PAPPA: variants seen among roughly 807,000 people sequenced by gnomAD.
The protein encoded by PAPPA is pappalysin-1.
A neutral mutation model predicts 164.0 loss-of-function variants in PAPPA; 60 were observed. The observed-to-expected ratio is 0.37, with a 90% CI of 0.30 to 0.45. The LOEUF is 0.45. Among genes scored for constraint, PAPPA ranks in the 20% least tolerant of loss-of-function variants. The pLI, the probability that PAPPA is intolerant of heterozygous loss-of-function variation, is 1.00. For synonymous variants in PAPPA, 875 were observed against 814.1 expected (o/e 1.07, Z -1.27); for missense variants, 1,782 against 2,087.3 (o/e 0.85, Z 2.85).
At chr9:116,274,209 G>A (rs1181208892) in intron 9 of PAPPA, among the ~76,000 whole-genome samples, 2 of 152,166 alleles carry the variant, frequency 1.3e-5, no homozygotes, top group African/African-American at 4.8e-5. Context: ...TGTGGACAGT[G>A]TCTAGGGAAG....
chr9:116,330,463 T>C (rs1845976094), intron 10 of PAPPA, among the ~76,000 whole-genome samples: 1 of 152,230 alleles, frequency 6.6e-6, no homozygotes, highest in Non-Finnish European at 1.5e-5. Context: ...TTTGAATGAA[T>C]GAATGAACCA....
At chr9:116,158,288 C>G (rs1296391951) in intron 1 of PAPPA, among the ~76,000 whole-genome samples, 1 of 152,204 alleles carries the variant, frequency 6.6e-6, no homozygotes, top group Non-Finnish European at 1.5e-5. Context: ...TTCTCCACTT[C>G]AGCATTGCTG....
intron 7 of PAPPA, among the ~76,000 whole-genome samples, chr9:116,249,973 G>A (rs780445766): frequency 3.3e-5 from 5 of 151,952 alleles, no homozygotes; most frequent in Admixed American, 6.6e-5. Context: ...TTGTATGCAT[G>A]TGTGTGTGTG....
intron 10 of PAPPA, among the ~76,000 whole-genome samples, chr9:116,312,582 GAGTT>G (rs1845734417): frequency 6.6e-6 from 1 of 152,100 alleles, no homozygotes; most frequent in South Asian, 2.1e-4. Flanking sequence ...GTTTTGAGGT[GAGTT>G]AGAGTTTGGC....
intron 9 of PAPPA, among the ~76,000 whole-genome samples, chr9:116,283,631 T>C (rs1331679758): frequency 2.0e-5 from 3 of 151,888 alleles, no homozygotes; most frequent in Non-Finnish European, 4.4e-5. Context: ...GAAATCAGGG[T>C]GATTTTAGCT....
intron 3 of PAPPA, among the ~76,000 whole-genome samples, chr9:116,209,042 A>G (rs1302421061): frequency 6.6e-6 from 1 of 152,182 alleles, no homozygotes. Flanking sequence ...CACAATGTCC[A>G]CTACAAAGAA....
chr9:116,393,195 G>C (rs543598773), intron 21 of PAPPA, among the ~76,000 whole-genome samples: 2 of 152,334 alleles, frequency 1.3e-5, no homozygotes, highest in East Asian at 3.9e-4. Flanking sequence ...GACAGGGTCT[G>C]TGAAGAAATT....
chr9:116,209,868 G>A (rs1241440133), intron 3 of PAPPA, among the ~76,000 whole-genome samples: 2 of 152,140 alleles, frequency 1.3e-5, no homozygotes, highest in Non-Finnish European at 2.9e-5. Context: ...ACAGTCACAA[G>A]GCCAGTGTGA....
intron 13 of PAPPA, among the ~76,000 whole-genome samples, chr9:116,340,229 C>T (rs949818327): frequency 1.3e-5 from 2 of 152,040 alleles, no homozygotes; most frequent in African/African-American, 2.4e-5. Flanking sequence ...ATTTTGTTTT[C>T]CTTGTTTTGT....
intron 1 of PAPPA, among the ~76,000 whole-genome samples, chr9:116,168,690 G>A (rs997493508): frequency 1.3e-5 from 2 of 152,150 alleles, no homozygotes; most frequent in Admixed American, 6.5e-5. Context: ...CAACACTTCT[G>A]GATTCATGCC....
chr9:116,350,418 A>G (rs1846266664), intron 15 of PAPPA, among the ~76,000 whole-genome samples: 1 of 152,192 alleles, frequency 6.6e-6, no homozygotes, highest in South Asian at 2.1e-4. Context: ...GGACATATCC[A>G]TGGTCCTGAA....
At chr9:116,210,074 G>A (rs1381805133) in intron 3 of PAPPA, among the ~76,000 whole-genome samples, 2 of 152,144 alleles carry the variant, frequency 1.3e-5, no homozygotes, top group African/African-American at 4.8e-5. Flanking sequence ...TGGGTGGGAA[G>A]CGGATTATGT....
Position 116,344,604 on chromosome 9 carries a change from C to T in PAPPA, c.3673C>T (p.Leu1225Phe). 2 of 1,614,146 alleles carry T rather than the reference C, an allele frequency of 1.2e-6. No individual in the cohort carries two copies. The highest frequency in any genetic ancestry group is 1.7e-6 in the Non-Finnish European group (2 of 1,179,982). Residue 1225 changes from leucine (L) to phenylalanine (F), a missense_variant, in exon 14 of 22, where the codon CTC becomes TTC. This residue lies in a region of PAPPA where 1,324 missense variants were observed against 1,656.9 expected (regional missense o/e 0.80). Coordinates refer to ENST00000328252, the MANE Select transcript of PAPPA (RefSeq NM_002581.5). ...AGAGCTGGCTGTGGAGAATGCTTCT[C>T]TCAATTGCTCCAGCAGCGACCGCTA... ...CPELAVENAS[L>F]NCSSSDRYHG...
chr9:116,182,948 T>G (rs1357574837), intron 1 of PAPPA, among the ~76,000 whole-genome samples: 1 of 152,154 alleles, frequency 6.6e-6, no homozygotes, highest in Non-Finnish European at 1.5e-5. Flanking sequence ...TTTCATTGTC[T>G]AGTTCTATGT....
Position 116,187,437 on chromosome 9 carries a change from G to T in PAPPA, c.699G>T (p.Gln233His). The T allele has an allele frequency of 6.2e-7, 1 of 1,614,194 alleles. No individual in the cohort carries two copies. The highest frequency in any genetic ancestry group is 8.5e-7 in the Non-Finnish European group (1 of 1,180,044). ...QVGGIFSPLTQKCKVLMLGGS... is the reference protein window; with the variant it reads ...QVGGIFSPLTHKCKVLMLGGS... Reference sequence around the variant, plus strand: ...GTGGCATATTCAGCCCACTGACCCAGAAGTGCAAAGTGCTCATGTTAGGGG... The same window carrying T: ...GTGGCATATTCAGCCCACTGACCCATAAGTGCAAAGTGCTCATGTTAGGGG... The change falls in exon 2 of 22, where the codon CAG becomes CAT. Residue 233 changes from glutamine (Q) to histidine (H), a missense_variant. By Grantham distance (24) the Gln-to-His change is conservative (BLOSUM62 0). Coordinates refer to ENST00000328252, the MANE Select transcript of PAPPA (RefSeq NM_002581.5). The surrounding 1 kb of genome is among the most constrained non-coding windows in gnomAD (Gnocchi z 4.2).
At position 116,344,685 on chromosome 9, in the gene PAPPA, C is replaced by A. The variant is rs200530513; in HGVS notation, c.3754C>A (p.Arg1252=). ...CRTGYVLQIR[R]DDELIKSQTG... ...GACAGGCTACGTGCTCCAGATACGGCGGGATGATGAGCTGATCAAGAGCCA... is the reference window on the plus strand; with the variant it reads ...GACAGGCTACGTGCTCCAGATACGGAGGGATGATGAGCTGATCAAGAGCCA... The change falls in exon 14 of 22, where the codon CGG becomes AGG. Residue 1252 remains arginine (R), a synonymous_variant. Coordinates refer to ENST00000328252, the MANE Select transcript of PAPPA (RefSeq NM_002581.5). 3 of 1,613,994 alleles carry A rather than the reference C, an allele frequency of 1.9e-6. No individual in the cohort carries two copies. Among genetic ancestry groups the A allele is most frequent in the Non-Finnish European group, 2.5e-6 (3 of 1,179,904 alleles).
chr9:116,215,758 C>CA (rs1229189451), intron 4 of PAPPA, among the ~76,000 whole-genome samples: 2 of 152,018 alleles, frequency 1.3e-5, no homozygotes, highest in Non-Finnish European at 2.9e-5. Context: ...AGTTAAAAAA[C>CA]AAACAAACAA....
intron 1 of PAPPA, among the ~76,000 whole-genome samples, chr9:116,158,316 T>C (rs916784261): frequency 6.6e-6 from 1 of 152,190 alleles, no homozygotes; most frequent in African/African-American, 2.4e-5. Context: ...GAAGGCTGGG[T>C]TTAAGTATAT....
Position 116,377,667 on chromosome 9 carries a change from C to T in PAPPA, c.4677+20C>T. The T allele has an allele frequency of 6.4e-7, 1 of 1,561,214 alleles. No individual in the cohort carries two copies. The highest frequency in any genetic ancestry group is 8.8e-7 in the Non-Finnish European group (1 of 1,132,130). ...TGTGAGGTGAGTCACAAGGAAGGCA[C>T]TCCTCAGTTCCCTGGAAATAATCCT... On this transcript the variant is annotated intron_variant, in intron 20 of 21. Coordinates refer to ENST00000328252, the MANE Select transcript of PAPPA (RefSeq NM_002581.5).
Sources: allele counts gnomAD v4.1 joint callset (sites outside exome capture counted in the v4.1 genomes callset), GRCh38; gene constraint gnomAD v4.1.1; regional missense constraint gnomAD v4.1.1; non-coding constraint Gnocchi (gnomAD v3.1); transcripts MANE v1.5; gene names NCBI Gene and HGNC (gene_info 2026-07-23, HGNC 2026-07-21).